MS4A6A: variants seen among roughly 807,000 people sequenced by gnomAD.
MS4A6A encodes the protein membrane-spanning 4-domains subfamily A member 6A.
Under a neutral mutation model 20.6 loss-of-function variants are expected in MS4A6A, and 19 were observed. The ratio of observed to expected loss-of-function variants is 0.92; its 90% confidence interval spans 0.64 to 1.36. The LOEUF (loss-of-function observed/expected upper bound fraction) is 1.36, where lower values mean the gene tolerates loss of function less well. MS4A6A is among the 40% of genes most tolerant of loss of function. The pLI, the probability that MS4A6A is intolerant of heterozygous loss-of-function variation, is 0.00. For missense variants in MS4A6A, 272 were observed against 261.1 expected (o/e 1.04, Z -0.29); for synonymous variants, 108 against 105.0 (o/e 1.03, Z -0.17).
chr11:60,181,562 C>A lies in MS4A6A; in HGVS notation c.147+19G>T. On this transcript the variant is annotated intron_variant, in intron 2 of 5. Transcript: ENST00000528851. ...CACTTCCCCCAACCCCTCTCCAACA[C>A]GTTCTGAATTAGATTTACCCCAATA... is the stretch of plus-strand genomic sequence containing the variant. 1 of 1,613,722 alleles carries A rather than the reference C, an allele frequency of 6.2e-7. No homozygotes were observed. The highest frequency in any genetic ancestry group is 8.5e-7 in the Non-Finnish European group (1 of 1,179,752).
intron 4 of MS4A6A, chr11:60,177,271 T>C (rs992009744): frequency 2.6e-5 from 4 of 152,168 alleles, no homozygotes; most frequent in Non-Finnish European, 4.4e-5. Flanking sequence ...TAAATACCGA[T>C]GAGAAAAAGA....
rs776863302 is a variant in MS4A6A, at chr11:60,172,678, G to A, written c.*323C>T. ...GGCAGAAATTGTTTCTGCTTATAAG[G>A]GAGGCAAGCCAGGTTCTAGTGTCCT... On this transcript the variant is annotated 3_prime_UTR_variant, in exon 6 of 6. Coordinates refer to ENST00000528851, the MANE Select transcript of MS4A6A (RefSeq NM_022349.4). 9.8e-5 allele frequency: 115 copies of A among 1,174,622 alleles called. No homozygotes were observed. Among genetic ancestry groups the A allele is most frequent in the Non-Finnish European group, 1.2e-4 (111 of 940,564 alleles). The allele number at this position is 1,174,622 out of a possible 1,614,324, so 72.8% of individuals were successfully genotyped here.
chr11:60,172,980 GA>G lies in MS4A6A; in HGVS notation c.*20del. 1.2e-6 allele frequency: 2 copies of G among 1,613,532 alleles called. No individual in the cohort carries two copies. The highest frequency in any genetic ancestry group is 3.3e-5 in the Admixed American group (2 of 59,998). Reference sequence around the variant, plus strand: ...GGTGACATACTCAACACAGTGCAGGGATAAGATACACTAGGCAAGGTTAAGT... The same window carrying G: ...GGTGACATACTCAACACAGTGCAGGGTAAGATACACTAGGCAAGGTTAAGT... On this transcript the variant is annotated 3_prime_UTR_variant, in exon 6 of 6. Transcript: ENST00000528851.
At chr11:60,178,594 T>C (rs148582491) in intron 3 of MS4A6A, among the ~76,000 whole-genome samples, 16 of 152,300 alleles carry the variant, frequency 1.1e-4, no homozygotes, top group African/African-American at 2.9e-4. Flanking sequence ...TTTTTGTTTT[T>C]TTAATAAAAT....
At chr11:60,177,806 C>A (rs1463404312) in intron 4 of MS4A6A, among the ~76,000 whole-genome samples, 1 of 151,962 alleles carries the variant, frequency 6.6e-6, no homozygotes, top group Non-Finnish European at 1.5e-5. Flanking sequence ...CTGTAGTAGC[C>A]TCTGTGTCTA....
At chr11:60,183,114 C>G, upstream of MS4A6A, 4 of 1,534,628 alleles carry the variant, frequency 2.6e-6, no homozygotes, top group Non-Finnish European at 3.5e-6. Context: ...GTGTTTACAG[C>G]TATACAGGAT....
chr11:60,178,008 T>C (rs772458847), intron 4 of MS4A6A: 1 of 458,508 alleles, frequency 2.2e-6, no homozygotes, highest in East Asian at 3.9e-5. Context: ...TTCTCTGTGA[T>C]ACATTCTTCG....
rs754885000 is a variant in MS4A6A at position 60,178,292 on chromosome 11, T to C, written c.307A>G (p.Ile103Val). The C allele has an allele frequency of 1.2e-6, 2 of 1,613,714 alleles. No homozygotes were observed. Among genetic ancestry groups the C allele is most frequent in the South Asian group, 2.2e-5 (2 of 91,070 alleles). The change falls in exon 4 of 6, where the codon ATC becomes GTC. Residue 103 changes from isoleucine (I) to valine (V), a missense_variant. Transcript: ENST00000528851. ...FFFIISGSLS[I>V]ATEKRLTKLL... ...TTGGTTAACCTTTTCTCTGTGGCGA[T>C]TGATAGAGAGCCAGAGATGATAAAC...
intron 4 of MS4A6A, 148 bp downstream of exon 4, chr11:60,178,112 G>C (rs908962819): frequency 1.4e-6 from 1 of 703,976 alleles, no homozygotes; most frequent in African/African-American, 1.8e-5. Flanking sequence ...GGATACAGAG[G>C]ATCCAGGCCC....
In MS4A6A at chr11:60,179,882, T is replaced by A. The variant is rs147611482; in HGVS notation, c.231A>T (p.Gln77His). The A allele has an allele frequency of 5.5e-5, 88 of 1,613,970 alleles. No individual in the cohort carries two copies. Among genetic ancestry groups the A allele is most frequent in the Non-Finnish European group, 7.0e-5 (83 of 1,180,008 alleles). The change falls in exon 3 of 6, where the codon CAA (glutamine) becomes CAT (histidine). Residue 77 changes from glutamine (Q) to histidine (H), a missense_variant. Gln to His is a conservative substitution (Grantham distance 24). Transcript: ENST00000528851. ...CAGAGTTCAACAGTGTAGAAGTCAC[T>A]TGGGTAAAATTTGGAGAGAAGGAAG... Reference protein sequence around the residue: ...ASASFSPNFTQVTSTLLNSAY... With the variant: ...ASASFSPNFTHVTSTLLNSAY...
intron 4 of MS4A6A, chr11:60,177,992 C>T: frequency 4.9e-6 from 2 of 404,630 alleles, no homozygotes; most frequent in South Asian, 7.3e-5. Flanking sequence ...CATAAACAGG[C>T]ACAATTTCTC....
chr11:60,178,428 G>T, intron 3 of MS4A6A, 112 bp from the exon 4 acceptor site: 1 of 780,756 alleles, frequency 1.3e-6, no homozygotes. Context: ...AGAAACCAGT[G>T]ATCAATGAGG....
At chr11:60,177,135 G>C (rs1475901399) in intron 4 of MS4A6A, 1 of 152,108 alleles carries the variant, frequency 6.6e-6, no homozygotes, top group Non-Finnish European at 1.5e-5. Flanking sequence ...ATCATAGAAA[G>C]TTACATTTCA....
At position 60,181,389 on chromosome 11, in the gene MS4A6A, G is replaced by T. The variant is rs1590683897; in HGVS notation, c.147+192C>A. ...TCAATTCCTCATATTCAGAATAAGG[G>T]AAAATATATTTTTAAGACAACCTCT... On this transcript the variant is annotated intron_variant, in intron 2 of 5. Coordinates refer to ENST00000528851, the MANE Select transcript of MS4A6A (RefSeq NM_022349.4). The T allele has an allele frequency of 8.1e-6, 5 of 615,722 alleles. No homozygotes were observed. In the East Asian group the frequency reaches 1.4e-4, roughly 17 times the overall value. The allele number at this position is 615,722 out of a possible 1,614,324, so 38.1% of individuals were successfully genotyped here.
intron 4 of MS4A6A, among the ~76,000 whole-genome samples, chr11:60,176,868 A>G (rs941828003): frequency 2.6e-5 from 4 of 152,146 alleles, no homozygotes; most frequent in African/African-American, 7.2e-5. Context: ...CCGAGACCAC[A>G]TCCTGCATCC....
intron 4 of MS4A6A, 152 bp downstream of exon 4, chr11:60,178,108 A>G (rs1856939635): frequency 4.3e-6 from 3 of 695,278 alleles, no homozygotes; most frequent in Middle Eastern, 7.1e-4. Context: ...ACAAGGATAC[A>G]GAGGATCCAG....
At chr11:60,172,150 C>CTTTTTT, downstream of MS4A6A, 1 of 1,606,072 alleles carries the variant, frequency 6.2e-7, no homozygotes, top group Non-Finnish European at 8.5e-7. Context: ...ATATTTCTCC[C>CTTTTTT]TTTTTTCTTA....
At position 60,175,509 on chromosome 11, in the gene MS4A6A, G is replaced by T. The variant is rs1429565678; in HGVS notation, c.442C>A (p.Gln148Lys). 7 of 1,613,996 alleles carry T rather than the reference G, an allele frequency of 4.3e-6. No individual in the cohort carries two copies. Among genetic ancestry groups the T allele is most frequent in the Non-Finnish European group, 5.9e-6 (7 of 1,179,872 alleles). The change falls in exon 5 of 6, where the codon CAG becomes AAG. Residue 148 changes from glutamine (Q) to lysine (K), a missense_variant. Coordinates refer to ENST00000528851, the MANE Select transcript of MS4A6A (RefSeq NM_022349.4). ...KQATLNPASLQCELDKNNIPT... is the reference protein window; with the variant it reads ...KQATLNPASLKCELDKNNIPT... ...ATATTATTTTTGTCCAACTCACACT[G>T]CAGTGAGGCAGGATTTAAGGTGGCC...
chr11:60,181,116 C>A, intron 2 of MS4A6A: 4 of 448,462 alleles, frequency 8.9e-6, no homozygotes, highest in South Asian at 6.3e-5. Context: ...GAGAAACAGA[C>A]AAACAAAAGG....
Sources: allele counts gnomAD v4.1 joint callset (sites outside exome capture counted in the v4.1 genomes callset), GRCh38; gene constraint gnomAD v4.1.1; transcripts MANE v1.5; gene names NCBI Gene and HGNC (gene_info 2026-07-23, HGNC 2026-07-21).